The following MAN2A1 variants were observed in gnomAD, a reference collection of about 807,000 sequenced individuals.
MAN2A1 encodes the protein alpha-mannosidase 2.
A neutral mutation model predicts 142.6 loss-of-function variants in MAN2A1; 76 were observed. That is an observed-to-expected ratio of 0.53 (90% CI 0.44 to 0.65). MAN2A1 has a LOEUF of 0.65. MAN2A1 is among the 30% of genes least tolerant of loss of function. The pLI is 0.00. For missense variants in MAN2A1, 1,311 were observed against 1,365.1 expected, an observed-to-expected ratio of 0.96 and a Z score of 0.62; for synonymous variants, 559 against 473.2, an observed-to-expected ratio of 1.18 and a Z score of -2.35.
At chr5:109,748,991 A>T (rs937101777) in intron 4 of MAN2A1, among the ~76,000 whole-genome samples, 3 of 151,560 alleles carry the variant, frequency 2.0e-5, no homozygotes, top group Non-Finnish European at 2.9e-5. Flanking sequence ...AAGTTGATTC[A>T]TTGGGAGCTT....
chr5:109,705,890 C>T lies in MAN2A1; in HGVS notation c.136-7630C>T, dbSNP rs77008091. ...TGTGTCCTCACATCTCCCTCTCTGG[C>T]CTGACTCTTCCATTTTCCTCTTTTC... On this transcript the variant is annotated intron_variant, in intron 1 of 21. Transcript: ENST00000261483. Among the ~76,000 whole-genome samples, 1,172 of 152,276 alleles carry T rather than the reference C, an allele frequency of 7.7e-3. 22 individuals are homozygous for T. The highest frequency in any genetic ancestry group is 0.026 in the African/African-American group (1,098 of 41,556).
intron 3 of MAN2A1, among the ~76,000 whole-genome samples, chr5:109,727,496 C>T (rs1306156077): frequency 6.6e-6 from 1 of 152,126 alleles, no homozygotes; most frequent in Non-Finnish European, 1.5e-5. Flanking sequence ...GGTGAGACTT[C>T]AGCATATGAC....
rs13189822 is a variant in MAN2A1, at chr5:109,781,470, A to G, written c.1449A>G (p.Gln483=). 311,647 of 1,612,088 alleles carry G rather than the reference A, an allele frequency of 0.19. 37,812 individuals carry two copies. The highest frequency in any genetic ancestry group is 0.63 in the East Asian group (28,284 of 44,720). ...KADETQRDKG[Q]SMFPVLSGDF... The stretch of plus-strand genomic sequence containing the variant: ...ATGAAACTCAGAGAGACAAGGGCCA[A>G]TCGATGTTCCCTGTTTTAAGTGGAG... Residue 483 remains glutamine (Q), a synonymous_variant, in exon 9 of 22, where the codon CAA becomes CAG. Coordinates refer to ENST00000261483, the MANE Select transcript of MAN2A1 (RefSeq NM_002372.4).
At chr5:109,834,020 T>C (rs1754998549) in intron 16 of MAN2A1, among the ~76,000 whole-genome samples, 1 of 152,106 alleles carries the variant, frequency 6.6e-6, no homozygotes, top group South Asian at 2.1e-4. Flanking sequence ...CTTGTTTTAT[T>C]TTTTTTATAA....
intron 4 of MAN2A1, among the ~76,000 whole-genome samples, chr5:109,741,795 G>A (rs760507326): frequency 7.9e-5 from 12 of 152,032 alleles, no homozygotes; most frequent in South Asian, 2.1e-4. Context: ...AGAGATCTAC[G>A]TAAACAACAT....
chr5:109,746,422 C>T (rs777552889), intron 4 of MAN2A1, among the ~76,000 whole-genome samples: 8 of 152,184 alleles, frequency 5.3e-5, no homozygotes, highest in Non-Finnish European at 1.0e-4. Context: ...CCACTCCTGT[C>T]TCCTTGTCAT....
intron 20 of MAN2A1, among the ~76,000 whole-genome samples, chr5:109,861,982 CTT>C (rs762430627): frequency 1.8e-4 from 27 of 152,284 alleles, no homozygotes; most frequent in African/African-American, 6.3e-4. Flanking sequence ...TTAATACAAA[CTT>C]ATATATCACC....
At chr5:109,866,287 C>G (rs991325099) in intron 21 of MAN2A1, among the ~76,000 whole-genome samples, 1 of 152,032 alleles carries the variant, frequency 6.6e-6, no homozygotes, top group East Asian at 1.9e-4. Context: ...AACATGGCAG[C>G]GGTGAGGGAA....
At chr5:109,701,424 C>G (rs1424785910) in intron 1 of MAN2A1, among the ~76,000 whole-genome samples, 1 of 152,156 alleles carries the variant, frequency 6.6e-6, no homozygotes. Context: ...AGTTCAGGAT[C>G]AGATTGCAAA....
At chr5:109,740,547 C>T (rs1752238452) in intron 4 of MAN2A1, among the ~76,000 whole-genome samples, 2 of 152,166 alleles carry the variant, frequency 1.3e-5, no homozygotes, top group Non-Finnish European at 2.9e-5. Context: ...CCCAGCATGG[C>T]TTCATTAAGG....
chr5:109,761,103 A>G (rs959761291), intron 5 of MAN2A1, among the ~76,000 whole-genome samples: 2 of 150,888 alleles, frequency 1.3e-5, no homozygotes, highest in Admixed American at 6.6e-5. Context: ...TGTGTGGTCT[A>G]AAGTTGTATA....
rs114737090 is a variant in MAN2A1 at position 109,726,869 on chromosome 5, G to A, written c.536-2473G>A. On this transcript the variant is annotated intron_variant, in intron 3 of 21. Transcript: ENST00000261483. ...TCTTTAGCTAGTAGCCAGATAATTAGGAATTAGTTTGAACCTTTAAATTTA... is the reference window on the plus strand; with the variant it reads ...TCTTTAGCTAGTAGCCAGATAATTAAGAATTAGTTTGAACCTTTAAATTTA... Among the ~76,000 whole-genome samples, 544 of 152,212 alleles carry A rather than the reference G, an allele frequency of 3.6e-3. 5 individuals carry two copies. Among genetic ancestry groups the A allele is most frequent in the African/African-American group, 0.013 (526 of 41,510 alleles).
Position 109,819,788 on chromosome 5 carries a change from C to T in MAN2A1, c.2229C>T (p.Ser743=), listed in dbSNP as rs145978775. Residue 743 remains serine (S), a synonymous_variant, in exon 14 of 22, where the codon AGC becomes AGT. Coordinates refer to ENST00000261483, the MANE Select transcript of MAN2A1 (RefSeq NM_002372.4). ...TGTATAAGAATAAAGTAGAAGATAG[C>T]GGAATTTTCACCATAAAGAATATGA... ...YVLYKNKVED[S]GIFTIKNMIN... is the part of the protein sequence containing the mutation. 37 of 1,608,490 alleles carry T rather than the reference C, an allele frequency of 2.3e-5. No individual in the cohort carries two copies. Among genetic ancestry groups the T allele is most frequent in the Admixed American group, 3.4e-5 (2 of 59,600 alleles).
At chr5:109,693,581 G>A (rs1167297865) in intron 1 of MAN2A1, among the ~76,000 whole-genome samples, 1 of 151,888 alleles carries the variant, frequency 6.6e-6, no homozygotes, top group Admixed American at 6.6e-5. Context: ...TCTATTTGTT[G>A]TTTTTTTGGA....
Position 109,783,766 on chromosome 5 carries a change from T to C in MAN2A1, c.1578-978T>C, listed in dbSNP as rs1753523049. Among the ~76,000 whole-genome samples the C allele has an allele frequency of 1.3e-5, 2 of 151,860 alleles. 1 individual carries two copies. Among genetic ancestry groups the C allele is most frequent in the African/African-American group, 4.8e-5 (2 of 41,292 alleles). On this transcript the variant is annotated intron_variant, in intron 9 of 21. Transcript: ENST00000261483. ...TAAATAAGTTTTTAAGAAAAACTTA[T>C]CTTGAGCCATATCCTCTGATGAAAA...
At chr5:109,849,362 A>G (rs1294200998) in intron 19 of MAN2A1, among the ~76,000 whole-genome samples, 2 of 152,080 alleles carry the variant, frequency 1.3e-5, no homozygotes, top group African/African-American at 2.4e-5. Context: ...GTTTAGAAGG[A>G]CACCTCAAGT....
At chr5:109,850,615 T>A (rs901769199) in intron 19 of MAN2A1, among the ~76,000 whole-genome samples, 10 of 152,224 alleles carry the variant, frequency 6.6e-5, no homozygotes, top group Admixed American at 5.9e-4. Flanking sequence ...TGACAGCTAC[T>A]GTCTTTTGCT....
intron 19 of MAN2A1, among the ~76,000 whole-genome samples, chr5:109,849,927 C>G (rs771324888): frequency 3.9e-5 from 6 of 152,148 alleles, no homozygotes; most frequent in Non-Finnish European, 7.3e-5. Context: ...CAAGTACTTT[C>G]CATCCCCTCC....
chr5:109,833,263 A>G, intron 16 of MAN2A1, among the ~76,000 whole-genome samples: 1 of 150,868 alleles, frequency 6.6e-6, no homozygotes. Context: ...CTTCCCAGAC[A>G]GGGTGGCGGC....
Sources: gnomAD v4.1 joint callset for allele counts (sites outside exome capture counted in the v4.1 genomes callset) on GRCh38, gnomAD v4.1.1 for gene constraint, MANE v1.5 for transcripts, NCBI Gene and HGNC (gene_info 2026-07-23, HGNC 2026-07-21) for gene names.